The following MAP4 variants were observed in gnomAD, a reference collection of about 807,000 sequenced individuals.
MAP4 encodes the protein microtubule-associated protein 4.
Under a neutral mutation model 170.2 loss-of-function variants are expected in MAP4, and 76 were observed. That is an observed-to-expected ratio of 0.45 (90% CI 0.37 to 0.54). The LOEUF is 0.54. Ranked by LOEUF, MAP4 falls within the 20% of genes least tolerant of loss-of-function variation. The pLI, the probability that MAP4 is intolerant of heterozygous loss-of-function variation, is 0.00. For missense variants in MAP4, 2,506 were observed against 2,748.0 expected, an observed-to-expected ratio of 0.91 and a Z score of 1.97; for synonymous variants, 909 against 994.5, an observed-to-expected ratio of 0.91 and a Z score of 1.62.
At chr3:48,062,342 C>T (rs1250939326) in intron 1 of MAP4, among the ~76,000 whole-genome samples, 2 of 151,238 alleles carry the variant, frequency 1.3e-5, no homozygotes, top group Admixed American at 6.6e-5. Context: ...TCTCAAGTAC[C>T]CAGGGACACA....
intron 1 of MAP4, among the ~76,000 whole-genome samples, chr3:48,087,164 C>G (rs1378722697): frequency 6.6e-6 from 1 of 152,146 alleles, no homozygotes; most frequent in Non-Finnish European, 1.5e-5. Flanking sequence ...AGTAGTAGTA[C>G]GGATCAGCAA....
At chr3:48,036,666 G>A (rs1368019934) in intron 1 of MAP4, among the ~76,000 whole-genome samples, 1 of 152,082 alleles carries the variant, frequency 6.6e-6, no homozygotes, top group Non-Finnish European at 1.5e-5. Flanking sequence ...AAACACTTAA[G>A]AAACACAAAA....
At chr3:47,979,066 A>AT (rs1327986194) in intron 2 of MAP4, among the ~76,000 whole-genome samples, 4 of 151,858 alleles carry the variant, frequency 2.6e-5, no homozygotes, top group African/African-American at 4.8e-5. Flanking sequence ...AGGTCACAGG[A>AT]TTTTTTTCCC....
At chr3:48,001,800 C>A (rs992665480) in intron 1 of MAP4, among the ~76,000 whole-genome samples, 1 of 152,152 alleles carries the variant, frequency 6.6e-6, no homozygotes, top group African/African-American at 2.4e-5. Flanking sequence ...TGCGCCCAGC[C>A]TGCTTACTTT....
intron 1 of MAP4, among the ~76,000 whole-genome samples, chr3:48,055,777 G>T (rs1374417908): frequency 7.6e-6 from 1 of 130,896 alleles, no homozygotes; most frequent in Non-Finnish European, 1.7e-5. Flanking sequence ...CTTCCCAGCC[G>T]CCATCACATC....
In MAP4 at chr3:47,871,416, C is replaced by T. The variant is rs1254781387; in HGVS notation, c.5942-130G>A. On this transcript the variant is annotated intron_variant, in intron 13 of 20. Transcript: ENST00000683076. ...TTTGAGCCAGGGACTGTGTTAGTCCCTGGGAATGGAGTGGTAAATTAGATG... is the reference window on the plus strand; with the variant it reads ...TTTGAGCCAGGGACTGTGTTAGTCCTTGGGAATGGAGTGGTAAATTAGATG... 4 of 777,070 alleles carry T rather than the reference C, an allele frequency of 5.1e-6. No homozygotes were observed. In the East Asian group the frequency reaches 7.9e-5, roughly 15 times the overall value. The allele number at this position is 777,070 out of a possible 1,614,324, so 48.1% of individuals were successfully genotyped here.
At chr3:47,889,657 G>C (rs1042299352) in intron 10 of MAP4, among the ~76,000 whole-genome samples, 3 of 152,150 alleles carry the variant, frequency 2.0e-5, no homozygotes, top group Non-Finnish European at 4.4e-5. Flanking sequence ...GTCTGAATTA[G>C]AAAGAACTTG....
intron 1 of MAP4, among the ~76,000 whole-genome samples, chr3:48,043,896 G>T (rs2100122961): frequency 6.6e-6 from 1 of 151,942 alleles, no homozygotes; most frequent in South Asian, 2.1e-4. Flanking sequence ...TCCAGTCTAG[G>T]GTGCAGTGGC....
chr3:47,933,757 C>T (rs9812875), intron 3 of MAP4, among the ~76,000 whole-genome samples: 58,334 of 151,826 alleles, frequency 0.38, 12,553 homozygotes, highest in African/African-American at 0.59. Context: ...CCTGCCACCA[C>T]GCCCGGCTAA....
intron 10 of MAP4, among the ~76,000 whole-genome samples, chr3:47,881,042 T>C (rs974117217): frequency 6.6e-6 from 1 of 152,176 alleles, no homozygotes; most frequent in Admixed American, 6.6e-5. Context: ...GTTTCATATA[T>C]CTTGATGCTC....
intron 3 of MAP4, chr3:47,975,208 T>C: frequency 8.1e-7 from 1 of 1,239,506 alleles, no homozygotes; most frequent in African/African-American, 1.5e-5. Flanking sequence ...TTAAAAAGAA[T>C]TCATTTTGCA....
chr3:47,943,266 C>T (rs532563670), intron 3 of MAP4, among the ~76,000 whole-genome samples: 11 of 152,188 alleles, frequency 7.2e-5, no homozygotes, highest in Non-Finnish European at 1.2e-4. Context: ...TATTAGCGTC[C>T]TTCTCCACTG....
intron 3 of MAP4, among the ~76,000 whole-genome samples, chr3:47,963,509 C>CAA (rs2100072933): frequency 6.6e-6 from 1 of 152,186 alleles, no homozygotes; most frequent in Non-Finnish European, 1.5e-5. Context: ...AAAATTTAAA[C>CAA]AAATTCATGA....
chr3:47,863,937 T>TGTGTGTGGGG (rs374208589), intron 17 of MAP4, among the ~76,000 whole-genome samples: 1,689 of 138,448 alleles, frequency 0.012, 63 homozygotes, highest in African/African-American at 0.042. Context: ...TGTGTGTGTG[T>TGTGTGTGGGG]GGGGAGTGGT....
In MAP4 at chr3:48,051,092, C is replaced by CCACACA. The variant is rs145028487; in HGVS notation, c.-20+37675_-20+37680dup. Among the ~76,000 whole-genome samples, 1,079 of 144,004 alleles carry CCACACA rather than the reference C, an allele frequency of 7.5e-3. 5 individuals are homozygous for CCACACA. The highest frequency in any genetic ancestry group is 8.7e-3 in the African/African-American group (336 of 38,770). 94.5% of individuals were successfully genotyped at this position (144,004 alleles called of 152,430 possible). A position where few individuals can be genotyped will look rare whatever the true frequency, so the allele number is the denominator to read the frequency against. On this transcript the variant is annotated intron_variant, in intron 1 of 18. Transcript: ENST00000360240. The stretch of plus-strand genomic sequence containing the variant: ...ATCACCTTTGAAAACCATTCAATTT[C>CCACACA]CACACACACACACACACACACACAC...
chr3:47,981,037 A>G (rs558003018), intron 2 of MAP4, among the ~76,000 whole-genome samples: 2 of 152,362 alleles, frequency 1.3e-5, no homozygotes, highest in East Asian at 3.9e-4. Context: ...AGCCTATCAA[A>G]TTCTGCAATA....
chr3:47,999,380 C>G (rs895913665), intron 1 of MAP4, among the ~76,000 whole-genome samples: 1 of 151,486 alleles, frequency 6.6e-6, no homozygotes, highest in African/African-American at 2.4e-5. Context: ...TTAGCCCTGC[C>G]AGCATAAAAA....
rs397945906 is a variant in MAP4, at chr3:47,924,828, T to TC, written c.416-2951_416-2950insG. ...TGGAAGCTACGATATTTTTTTTTTT[T>TC]GAGATGGAGTCTCGCTCTGTCGCCC... On this transcript the variant is annotated intron_variant, in intron 4 of 20. Transcript: ENST00000683076. Among the ~76,000 whole-genome samples, 21 of 152,056 alleles carry TC rather than the reference T, an allele frequency of 1.4e-4. 1 individual carries two copies. In the South Asian group the frequency reaches 3.7e-3, roughly 27 times the overall value.
chr3:47,858,620 T>TTGTGTGTG (rs72034058), intron 17 of MAP4, among the ~76,000 whole-genome samples: 5 of 142,994 alleles, frequency 3.5e-5, no homozygotes, highest in Non-Finnish European at 6.1e-5. Context: ...TGTGTGCGCG[T>TTGTGTGTG]TGTGTGTGTG....
Sources: allele counts gnomAD v4.1 joint callset (sites outside exome capture counted in the v4.1 genomes callset), GRCh38; gene constraint gnomAD v4.1.1; transcripts MANE v1.5; gene names NCBI Gene and HGNC (gene_info 2026-07-23, HGNC 2026-07-21).